Variants in FHIT observed in about 807,000 individuals in gnomAD.
FHIT encodes bis(5'-adenosyl)-triphosphatase.
A neutral mutation model predicts 17.9 loss-of-function variants in FHIT; 19 were observed. The observed-to-expected ratio is 1.06, with a 90% CI of 0.74 to 1.56. The LOEUF (loss-of-function observed/expected upper bound fraction) is 1.56, where lower values mean the gene tolerates loss of function less well. Among genes scored for constraint, FHIT ranks in the 40% most tolerant of loss-of-function variants. FHIT has a pLI of 0.00. For missense variants in FHIT, 248 were observed against 189.2 expected, an observed-to-expected ratio of 1.31 and a Z score of -1.82; for synonymous variants, 81 against 69.7, an observed-to-expected ratio of 1.16 and a Z score of -0.81.
rs182658661 is a variant in FHIT at position 60,312,007 on chromosome 3, G to A, written c.103+224853C>T. Among the ~76,000 whole-genome samples the A allele has an allele frequency of 3.5e-3, 527 of 152,240 alleles. 13 individuals are homozygous for A. In the South Asian group the frequency reaches 0.05, roughly 14 times the overall value. Reference sequence around the variant, plus strand: ...AATTATAAAATCAATTTAGTGGGCCGTGACCAGCATGTTTTAAACTGAAAT... The same window carrying A: ...AATTATAAAATCAATTTAGTGGGCCATGACCAGCATGTTTTAAACTGAAAT... On this transcript the variant is annotated intron_variant, in intron 5 of 9. Coordinates refer to ENST00000492590, the MANE Select transcript of FHIT (RefSeq NM_002012.4).
intron 8 of FHIT, among the ~76,000 whole-genome samples, chr3:59,799,809 T>A (rs1699923149): frequency 6.6e-6 from 1 of 152,178 alleles, no homozygotes; most frequent in African/African-American, 2.4e-5. Flanking sequence ...TGATCTATAA[T>A]ACATAACGGT....
intron 8 of FHIT, among the ~76,000 whole-genome samples, chr3:59,814,407 T>C (rs1220940009): frequency 6.6e-6 from 1 of 152,196 alleles, no homozygotes; most frequent in Non-Finnish European, 1.5e-5. Flanking sequence ...TGTTTCCAAA[T>C]GGCAATTTTT....
intron 3 of FHIT, among the ~76,000 whole-genome samples, chr3:60,849,637 T>C (rs1375494642): frequency 6.6e-6 from 1 of 152,054 alleles, no homozygotes; most frequent in Non-Finnish European, 1.5e-5. Flanking sequence ...AAGAGCAGTC[T>C]GATTTACTTT....
intron 5 of FHIT, among the ~76,000 whole-genome samples, chr3:60,296,152 C>A (rs1015927507): frequency 1.3e-5 from 2 of 151,948 alleles, no homozygotes; most frequent in African/African-American, 4.8e-5. Context: ...ACCTCTTTTT[C>A]TTTATAAATT....
chr3:59,985,021 G>C (rs919123719), intron 7 of FHIT, among the ~76,000 whole-genome samples: 2 of 152,050 alleles, frequency 1.3e-5, no homozygotes, highest in Non-Finnish European at 2.9e-5. Context: ...GGAAAAGTGG[G>C]AGAGTTCCCA....
chr3:60,732,532 G>C (rs2042050879), intron 4 of FHIT: 4 of 655,322 alleles, frequency 6.1e-6, no homozygotes, highest in Non-Finnish European at 1.2e-5. Flanking sequence ...GAGCACGAAA[G>C]TTTTCTGCTG....
intron 4 of FHIT, among the ~76,000 whole-genome samples, chr3:60,716,245 T>C (rs962657601): frequency 4.0e-5 from 6 of 151,704 alleles, no homozygotes; most frequent in Non-Finnish European, 8.8e-5. Flanking sequence ...ACTGTCTCAA[T>C]AAAACTTACA....
intron 8 of FHIT, among the ~76,000 whole-genome samples, chr3:59,881,296 C>T (rs573756348): frequency 6.6e-6 from 1 of 152,162 alleles, no homozygotes; most frequent in Non-Finnish European, 1.5e-5. Flanking sequence ...TTTTGCTACA[C>T]TGGCCAAGTA....
chr3:60,541,267 G>C (rs1002102266), intron 4 of FHIT, among the ~76,000 whole-genome samples: 1 of 152,180 alleles, frequency 6.6e-6, no homozygotes, highest in Non-Finnish European at 1.5e-5. Flanking sequence ...TATAAAACAA[G>C]TATCATGCAA....
At chr3:59,823,980 A>G (rs933073877) in intron 8 of FHIT, among the ~76,000 whole-genome samples, 1 of 152,248 alleles carries the variant, frequency 6.6e-6, no homozygotes, top group Admixed American at 6.5e-5. Flanking sequence ...TTCAGAACTG[A>G]TAAGTGAATT....
chr3:61,118,200 G>T (rs562198640), intron 2 of FHIT, among the ~76,000 whole-genome samples: 1 of 152,114 alleles, frequency 6.6e-6, no homozygotes, highest in African/African-American at 2.4e-5. Context: ...CCGTGATAAG[G>T]CTCATTAAGT....
At chr3:60,824,751 A>G (rs1702054511) in intron 3 of FHIT, among the ~76,000 whole-genome samples, 1 of 152,086 alleles carries the variant, frequency 6.6e-6, no homozygotes, top group African/African-American at 2.4e-5. Flanking sequence ...GAGAGATCTG[A>G]TGGTTTAAAA....
intron 4 of FHIT, among the ~76,000 whole-genome samples, chr3:60,733,172 G>A (rs1484598959): frequency 6.6e-6 from 1 of 152,118 alleles, no homozygotes; most frequent in Non-Finnish European, 1.5e-5. Context: ...GAGACTGCAG[G>A]GAGAGGTGAA....
intron 5 of FHIT, among the ~76,000 whole-genome samples, chr3:60,088,591 G>A (rs930767050): frequency 6.6e-6 from 1 of 152,140 alleles, no homozygotes; most frequent in African/African-American, 2.4e-5. Context: ...TCCACAATCA[G>A]AGGAGAACAT....
intron 5 of FHIT, among the ~76,000 whole-genome samples, chr3:60,015,288 G>A (rs937869036): frequency 7.2e-5 from 11 of 152,258 alleles, no homozygotes; most frequent in Middle Eastern, 3.4e-3. Context: ...ATTTCCATAA[G>A]AGAGAGGGGA....
intron 4 of FHIT, among the ~76,000 whole-genome samples, chr3:60,689,444 T>A (rs543690118): frequency 6.6e-6 from 1 of 152,324 alleles, no homozygotes; most frequent in Admixed American, 6.5e-5. Flanking sequence ...AGTCTAGAGA[T>A]AATTTAAAGT....
intron 4 of FHIT, among the ~76,000 whole-genome samples, chr3:60,597,448 T>C (rs1371321639): frequency 2.6e-5 from 4 of 152,148 alleles, no homozygotes; most frequent in Non-Finnish European, 1.5e-5. Flanking sequence ...GAACCATACC[T>C]TGAACTGTAG....
chr3:60,967,843 T>C (rs987357867), intron 3 of FHIT, among the ~76,000 whole-genome samples: 2 of 152,186 alleles, frequency 1.3e-5, no homozygotes, highest in African/African-American at 4.8e-5. Context: ...AATCTACAAA[T>C]TGACTACTGA....
intron 5 of FHIT, among the ~76,000 whole-genome samples, chr3:60,269,045 G>A (rs956615679): frequency 3.9e-5 from 6 of 152,192 alleles, no homozygotes; most frequent in Admixed American, 6.5e-5. Flanking sequence ...CAGCCCTGCT[G>A]ACATCTTGAT....
Sources: gnomAD v4.1 joint callset for allele counts (sites outside exome capture counted in the v4.1 genomes callset) on GRCh38, gnomAD v4.1.1 for gene constraint, MANE v1.5 for transcripts, NCBI Gene and HGNC (gene_info 2026-07-23, HGNC 2026-07-21) for gene names.